The following PNPLA7 variants were observed in gnomAD, a reference collection of about 807,000 sequenced individuals.
PNPLA7 encodes patatin like domain 7, lysophospholipase.
PNPLA7 carries 153 observed loss-of-function variants against 161.7 expected under a neutral mutation model. The ratio of observed to expected loss-of-function variants is 0.95; its 90% CI spans 0.83 to 1.08. The LOEUF (loss-of-function observed/expected upper bound fraction) is 1.08. Ranked by LOEUF, PNPLA7 falls within the 50% of genes least tolerant of loss-of-function variation. The pLI is 0.00. For missense variants in PNPLA7, 1,739 were observed against 1,856.6 expected, an observed-to-expected ratio of 0.94 and a Z score of 1.16; for synonymous variants, 809 against 782.1, an observed-to-expected ratio of 1.03 and a Z score of -0.57.
At position 137,477,986 on chromosome 9, in the gene PNPLA7, G is replaced by A. The variant is rs552127912; in HGVS notation, c.2882+48C>T. Reference sequence around the variant, plus strand: ...CCTCCTAGCACCCGAGGGGGCGACTGTCACCACACACACCAGTGAGGAGTG... The same window carrying A: ...CCTCCTAGCACCCGAGGGGGCGACTATCACCACACACACCAGTGAGGAGTG... On this transcript the variant is annotated intron_variant, in intron 25 of 34. Coordinates refer to ENST00000406427, the MANE Select transcript of PNPLA7 (RefSeq NM_001098537.3). 22 of 1,278,650 alleles carry A rather than the reference G, an allele frequency of 1.7e-5. No individual in the cohort carries two copies. In the South Asian group the frequency reaches 4.3e-4, roughly 25 times the overall value. 79.2% of individuals were successfully genotyped at this position (1,278,650 alleles called of 1,614,324 possible).
Position 137,480,295 on chromosome 9 carries a change from G to C in PNPLA7, c.2580+17C>G. ...GAGAGGGCTCTCCCCAGCTCCACCG[G>C]CCCTCCCCGTGCTCACCTCGCCCAC... On this transcript the variant is annotated intron_variant, in intron 23 of 34. Coordinates refer to ENST00000406427, the MANE Select transcript of PNPLA7 (RefSeq NM_001098537.3). 1 of 1,608,346 alleles carries C rather than the reference G, an allele frequency of 6.2e-7. No individual in the cohort carries two copies. Among genetic ancestry groups the C allele is most frequent in the Non-Finnish European group, 8.5e-7 (1 of 1,178,820 alleles).
chr9:137,487,125 G>A (rs572185634), intron 20 of PNPLA7, among the ~76,000 whole-genome samples: 2 of 152,368 alleles, frequency 1.3e-5, no homozygotes, highest in East Asian at 3.9e-4. Flanking sequence ...TGCTTGGTTG[G>A]CCCCAGCAGG....
chr9:137,495,082 G>C lies in PNPLA7; in HGVS notation c.2078C>G (p.Ala693Gly). The C allele has an allele frequency of 6.2e-7, 1 of 1,609,900 alleles. No homozygotes were observed. Among genetic ancestry groups the C allele is most frequent in the South Asian group, 1.1e-5 (1 of 91,016 alleles). ...CGTGAGGGCTCCTGCCGGCAGCTTG[G>C]CCAATTCTGAGTCCCGAACGGCATG... ...TVHAVRDSEL[A>G]KLPAGALTSI... Residue 693 changes from alanine (A) to glycine (G), a missense_variant, in exon 19 of 35, where the codon GCC (alanine) becomes GGC (glycine). Coordinates refer to ENST00000406427, the MANE Select transcript of PNPLA7 (RefSeq NM_001098537.3).
chr9:137,479,214 C>T lies in PNPLA7; in HGVS notation c.2605G>A (p.Ala869Thr). ...GELERMLEST[A>T]VRAQKQLILL... is the part of the protein sequence containing the mutation. ...ATCAGCTGCTTCTGGGCACGCACAG[C>T]TGTGCTCTCCAGCATCCGCTCCAGC... The change falls in exon 24 of 35, where the codon GCT becomes ACT. Residue 869 changes from alanine (A) to threonine (T), a missense_variant. Physicochemically the swap from Ala to Thr is moderately conservative, Grantham distance 58. Transcript: ENST00000406427. 1.3e-6 allele frequency: 2 copies of T among 1,550,032 alleles called. No homozygotes were observed. The highest frequency in any genetic ancestry group is 1.7e-6 in the Non-Finnish European group (2 of 1,147,138).
At chr9:137,508,364 G>A (rs939967048) in intron 12 of PNPLA7, among the ~76,000 whole-genome samples, 3 of 152,116 alleles carry the variant, frequency 2.0e-5, no homozygotes, top group Admixed American at 6.5e-5. Flanking sequence ...TCAGGAGATC[G>A]AGACCATCCT....
At chr9:137,492,268 A>C (rs990796793) in intron 20 of PNPLA7, 59 of 983,634 alleles carry the variant, frequency 6.0e-5, no homozygotes, top group Non-Finnish European at 6.6e-5. Context: ...GAGAGAGAGC[A>C]CTCTCCGCTC....
chr9:137,550,213 A>G lies in PNPLA7; in HGVS notation c.-16T>C, dbSNP rs1413406074. ...CTTCCTCCATGGCCAGAAACAGAAA[A>G]AACAGTCAGGGGCGAAAAGCAGACA... On this transcript the variant is annotated 5_prime_UTR_variant, in exon 1 of 35. Coordinates refer to ENST00000406427, the MANE Select transcript of PNPLA7 (RefSeq NM_001098537.3). 1.9e-6 allele frequency: 3 copies of G among 1,613,064 alleles called. No homozygotes were observed. In the South Asian group the frequency reaches 3.3e-5, roughly 18 times the overall value.
At chr9:137,501,026 C>G in intron 15 of PNPLA7, 130 bp from the exon 16 acceptor site, 2 of 725,436 alleles carry the variant, frequency 2.8e-6, no homozygotes, top group Non-Finnish European at 4.4e-6. Context: ...CAGCTCTGGG[C>G]ATGGACTTCA....
chr9:137,473,446 C>T (rs1588548852), intron 25 of PNPLA7, among the ~76,000 whole-genome samples: 1 of 152,026 alleles, frequency 6.6e-6, no homozygotes, highest in Non-Finnish European at 1.5e-5. Context: ...GAATTAATAA[C>T]CATAAAAAAA....
intron 20 of PNPLA7, chr9:137,491,600 G>A (rs1436198886): frequency 7.1e-6 from 7 of 985,326 alleles, no homozygotes; most frequent in African/African-American, 1.7e-5. Context: ...CCAAATTCAT[G>A]TCTACCCAGA....
In PNPLA7 at chr9:137,499,069, G is replaced by A. The variant is rs751595289; in HGVS notation, c.1758-824C>T. On this transcript the variant is annotated intron_variant, in intron 16 of 34. Transcript: ENST00000406427. The surrounding 1 kb of genome is among the most constrained non-coding windows in gnomAD (Gnocchi z 5.5). ...GGGGGTGGAGGAGGAGCCCTGGGAT[G>A]CTGGCTGGGGTGACGGCTGCAAGGC... Among the ~76,000 whole-genome samples, 4 of 152,012 alleles carry A rather than the reference G, an allele frequency of 2.6e-5. No homozygotes were observed. Among genetic ancestry groups the A allele is most frequent in the Admixed American group, 6.6e-5 (1 of 15,262 alleles).
At chr9:137,464,280 G>C in intron 27 of PNPLA7, 60 bp downstream of exon 27, 1 of 1,604,494 alleles carries the variant, frequency 6.2e-7, no homozygotes, top group Non-Finnish European at 8.5e-7. Context: ...GCCAAGAGGT[G>C]GGGGGCCAGG....
At chr9:137,504,199 AAGAAGAAG>A (rs1426279648) in intron 14 of PNPLA7, among the ~76,000 whole-genome samples, 1 of 136,670 alleles carries the variant, frequency 7.3e-6, no homozygotes. Flanking sequence ...GAAGAAGAGG[AAGAAGAAG>A]AGAGATTTTT....
intron 21 of PNPLA7, among the ~76,000 whole-genome samples, chr9:137,482,473 C>T (rs557506731): frequency 3.3e-5 from 5 of 152,338 alleles, no homozygotes; most frequent in South Asian, 4.1e-4. Flanking sequence ...GGGAGAAGGC[C>T]GTCTGCAGAG....
At chr9:137,513,892 G>A (rs1834362861) in intron 12 of PNPLA7, among the ~76,000 whole-genome samples, 1 of 152,260 alleles carries the variant, frequency 6.6e-6, no homozygotes, top group Non-Finnish European at 1.5e-5. Flanking sequence ...TGAGAGGGAC[G>A]CCCAGATGGA....
At position 137,460,582 on chromosome 9, in the gene PNPLA7, G is replaced by A. The variant is rs1233433487; in HGVS notation, c.3945+52C>T. The A allele has an allele frequency of 2.5e-6, 4 of 1,596,174 alleles. No individual in the cohort carries two copies. In the African/African-American group the frequency reaches 4.0e-5, roughly 16 times the overall value. On this transcript the variant is annotated intron_variant, in intron 34 of 34. Coordinates refer to ENST00000406427, the MANE Select transcript of PNPLA7 (RefSeq NM_001098537.3). Reference sequence around the variant, plus strand: ...GGAGGGAGTGGCCGGCACAGGGCCAGGCACCAAGGCTCAGCTGTGGGCACC... The same window carrying A: ...GGAGGGAGTGGCCGGCACAGGGCCAAGCACCAAGGCTCAGCTGTGGGCACC...
At chr9:137,536,113 A>G (rs1835874127) in intron 8 of PNPLA7, among the ~76,000 whole-genome samples, 1 of 151,446 alleles carries the variant, frequency 6.6e-6, no homozygotes, top group African/African-American at 2.4e-5. Context: ...AGATCGCGCC[A>G]CTGCACTCCA....
chr9:137,549,847 C>G (rs895126446), intron 1 of PNPLA7, among the ~76,000 whole-genome samples: 2 of 152,156 alleles, frequency 1.3e-5, no homozygotes, highest in Non-Finnish European at 2.9e-5. Flanking sequence ...CCTAAAGGAA[C>G]TGGAAGTAGC....
chr9:137,519,781 G>A, intron 11 of PNPLA7, 136 bp downstream of exon 11: 1 of 1,182,094 alleles, frequency 8.5e-7, no homozygotes, highest in Non-Finnish European at 1.2e-6. Flanking sequence ...GGTGACCTGG[G>A]CCGTGTGAGG....
Sources: allele counts gnomAD v4.1 joint callset (sites outside exome capture counted in the v4.1 genomes callset), GRCh38; gene constraint gnomAD v4.1.1; non-coding constraint Gnocchi (gnomAD v3.1); transcripts MANE v1.5; gene names NCBI Gene and HGNC (gene_info 2026-07-23, HGNC 2026-07-21).